CYP2E1: variants seen among roughly 807,000 people sequenced by gnomAD.
The protein encoded by CYP2E1 is cytochrome P450 2E1.
Under a neutral mutation model 42.9 loss-of-function variants are expected in CYP2E1, and 31 were observed. The observed-to-expected ratio is 0.72, with a 90% confidence interval of 0.54 to 0.98. CYP2E1 has a LOEUF of 0.98. Ranked by LOEUF, CYP2E1 falls within the 50% of genes least tolerant of loss-of-function variation. The pLI, the probability that CYP2E1 is intolerant of heterozygous loss-of-function variation, is 0.00. For missense variants in CYP2E1, 565 were observed against 633.2 expected, an observed-to-expected ratio of 0.89 and a Z score of 1.16; for synonymous variants, 244 against 248.9, an observed-to-expected ratio of 0.98 and a Z score of 0.19.
chr10:133,530,364 G>A (rs1200483464), intron 2 of CYP2E1, among the ~76,000 whole-genome samples: 1 of 152,056 alleles, frequency 6.6e-6, no homozygotes, highest in Non-Finnish European at 1.5e-5. Context: ...GTCATCTCGG[G>A]ATGTCCTCCA....
intron 2 of CYP2E1, among the ~76,000 whole-genome samples, chr10:133,529,023 C>G (rs1367322930): frequency 6.6e-6 from 1 of 152,222 alleles, no homozygotes; most frequent in Non-Finnish European, 1.5e-5. Context: ...TCCCCTCACC[C>G]ACGCTGAGGC....
At chr10:133,538,531 G>A (rs1400507564) in intron 8 of CYP2E1, among the ~76,000 whole-genome samples, 1 of 152,196 alleles carries the variant, frequency 6.6e-6, no homozygotes, top group Non-Finnish European at 1.5e-5. Flanking sequence ...CTTAACACCG[G>A]TTTTTGCAGT....
In CYP2E1 at chr10:133,538,729, C is replaced by G. The variant is rs369148043; in HGVS notation, c.1298-51C>G. ...CCCCTAGTCTCACTGTTAACAGTGT[C>G]GTGTCTCTGAAACTCCCTCAGTGTC... On this transcript the variant is annotated intron_variant, in intron 8 of 8. Coordinates refer to ENST00000252945, the MANE Select transcript of CYP2E1 (RefSeq NM_000773.4). 2.6e-6 allele frequency: 4 copies of G among 1,517,928 alleles called. No individual in the cohort carries two copies. The African/African-American group carries it at 5.5e-5, about 21-fold the overall frequency. 94.0% of individuals were successfully genotyped at this position (1,517,928 alleles called of 1,614,324 possible). A position where few individuals can be genotyped will look rare whatever the true frequency, so the allele number is the denominator to read the frequency against.
chr10:133,532,757 T>C lies in CYP2E1; in HGVS notation c.714T>C (p.Asn238=), dbSNP rs2133596576. ...LPGSHRKVIK[N]VAEVKEYVSE... is the part of the protein sequence containing the mutation. ...GAAGCCACAGAAAAGTCATAAAAAA[T>C]GTGGCTGAAGTAAAAGAGTATGTGT... is the stretch of plus-strand genomic sequence containing the variant. The change falls in exon 5 of 9, where the codon AAT becomes AAC. Residue 238 remains asparagine, a synonymous_variant. Transcript: ENST00000252945. 5.6e-6 allele frequency: 9 copies of C among 1,613,420 alleles called. No individual in the cohort carries two copies. The highest frequency in any genetic ancestry group is 6.8e-6 in the Non-Finnish European group (8 of 1,179,800).
intron 5 of CYP2E1, 86 bp from the exon 6 acceptor site, chr10:133,533,670 G>T (rs1380421603): frequency 1.4e-6 from 2 of 1,469,374 alleles, no homozygotes; most frequent in African/African-American, 2.8e-5. Flanking sequence ...TGTCTCCTGT[G>T]TCCCTGTGGA....
chr10:133,536,624 GATGGAT>G (rs1851404279), intron 6 of CYP2E1, among the ~76,000 whole-genome samples: 1 of 95,994 alleles, frequency 1.0e-5, no homozygotes, highest in Non-Finnish European at 2.1e-5. Flanking sequence ...TGGGTGGGTG[GATGGAT>G]GGGTGGATGG....
rs201120875 is a variant in CYP2E1 at position 133,533,838 on chromosome 10, C to A, written c.908C>A (p.Thr303Asn). The A allele has an allele frequency of 6.2e-7, 1 of 1,614,140 alleles. No individual in the cohort carries two copies. Among genetic ancestry groups the A allele is most frequent in the East Asian group, 2.2e-5 (1 of 44,878 alleles). Residue 303 changes from threonine to asparagine, a missense_variant, in exon 6 of 9, where the codon ACC becomes AAC. Physicochemically the swap from Thr to Asn is moderately conservative, Grantham distance 65 (BLOSUM62 0). Coordinates refer to ENST00000252945, the MANE Select transcript of CYP2E1 (RefSeq NM_000773.4). ...VADLFFAGTE[T>N]TSTTLRYGLL... ...GACCTGTTCTTTGCGGGGACAGAGA[C>A]CACCAGCACAACTCTGAGATATGGG...
rs370566113 is a variant in CYP2E1, at chr10:133,538,991, C to T, written c.*27C>T. The T allele has an allele frequency of 8.1e-5, 124 of 1,531,282 alleles. No individual in the cohort carries two copies. The highest frequency in any genetic ancestry group is 1.5e-4 in the African/African-American group (11 of 72,026). The allele number at this position is 1,531,282 out of a possible 1,614,324, so 94.9% of individuals were successfully genotyped here. On this transcript the variant is annotated 3_prime_UTR_variant, in exon 9 of 9. Transcript: ENST00000252945. ...TGTGTGGAGGACACCCTGAACCCCC[C>T]GCTTTCAAACAAGTTTTCAAATTGT... is the stretch of plus-strand genomic sequence containing the variant.
At chr10:133,537,305 C>T in intron 7 of CYP2E1, 55 bp downstream of exon 7, 2 of 1,567,128 alleles carry the variant, frequency 1.3e-6, no homozygotes, top group Non-Finnish European at 1.7e-6. Context: ...CAGCTAATCG[C>T]CTTCCTGCCA....
intron 2 of CYP2E1, among the ~76,000 whole-genome samples, chr10:133,530,156 A>G (rs1290895880): frequency 1.3e-5 from 2 of 152,194 alleles, no homozygotes; most frequent in Non-Finnish European, 2.9e-5. Flanking sequence ...GCGGAAAATT[A>G]GCAGAGCCCT....
chr10:133,527,684 G>T, intron 1 of CYP2E1, 112 bp downstream of exon 1: 1 of 808,974 alleles, frequency 1.2e-6, no homozygotes, highest in South Asian at 1.7e-5. Context: ...AGCCTGTTGT[G>T]AATTACCTGA....
At position 133,527,393 on chromosome 10, in the gene CYP2E1, A is replaced by G; in HGVS notation, c.-3A>G. On this transcript the variant is annotated 5_prime_UTR_variant, in exon 1 of 9. Transcript: ENST00000252945. ...GGGCTGGCAGCAGGGCCCCAGCGGCACCATGTCTGCCCTCGGAGTCACCGT... is the reference window on the plus strand; with the variant it reads ...GGGCTGGCAGCAGGGCCCCAGCGGCGCCATGTCTGCCCTCGGAGTCACCGT... 1.2e-6 allele frequency: 2 copies of G among 1,600,198 alleles called. No homozygotes were observed. The highest frequency in any genetic ancestry group is 1.9e-4 in the Middle Eastern group (1 of 5,268).
chr10:133,537,991 C>T, intron 8 of CYP2E1, 99 bp downstream of exon 8: 16 of 1,179,616 alleles, frequency 1.4e-5, no homozygotes, highest in Non-Finnish European at 1.9e-5. Context: ...CACCCACTGA[C>T]ACCCCAAACC....
At chr10:133,531,390 C>T (rs1851333708) in intron 2 of CYP2E1, among the ~76,000 whole-genome samples, 195 bp from the exon 3 acceptor site, 1 of 152,090 alleles carries the variant, frequency 6.6e-6, no homozygotes, top group Non-Finnish European at 1.5e-5. Context: ...AGAAAGGCTC[C>T]TCCCCAAAAC....
intron 2 of CYP2E1, among the ~76,000 whole-genome samples, chr10:133,531,144 G>T (rs1458243631): frequency 6.6e-6 from 1 of 152,176 alleles, no homozygotes; most frequent in African/African-American, 2.4e-5. Context: ...GTTGAGGTGT[G>T]TGTGGTGTGA....
In CYP2E1 at chr10:133,538,813, G is replaced by C. The variant is rs764917641; in HGVS notation, c.1331G>C (p.Arg444Pro). The change falls in exon 9 of 9, where the codon CGC becomes CCC. Residue 444 changes from arginine to proline, a missense_variant. Coordinates refer to ENST00000252945, the MANE Select transcript of CYP2E1 (RefSeq NM_000773.4). ...GTGTGTGCTGGAGAAGGCCTGGCTC[G>C]CATGGAGTTGTTTCTTTTGTTGTGT... ...KRVCAGEGLA[R>P]MELFLLLCAI... 1.2e-6 allele frequency: 2 copies of C among 1,613,930 alleles called. No individual in the cohort carries two copies. Among genetic ancestry groups the C allele is most frequent in the Admixed American group, 3.3e-5 (2 of 59,998 alleles).
At chr10:133,538,124 T>TG (rs1482797394) in intron 8 of CYP2E1, among the ~76,000 whole-genome samples, 3 of 152,050 alleles carry the variant, frequency 2.0e-5, no homozygotes, top group Non-Finnish European at 2.9e-5. Context: ...GTGGATTTTT[T>TG]TTTTCCCAAA....
rs569948279 is a variant in CYP2E1, at chr10:133,532,750, T to C, written c.707T>C (p.Ile236Thr). Residue 236 changes from isoleucine (I) to threonine (T), a missense_variant, in exon 5 of 9, where the codon ATA becomes ACA. By Grantham distance (89) the Ile-to-Thr change is moderately conservative. Coordinates refer to ENST00000252945, the MANE Select transcript of CYP2E1 (RefSeq NM_000773.4). The part of the protein sequence containing the change: ...HYLPGSHRKV[I>T]KNVAEVKEYV... ...TTGCCTGGAAGCCACAGAAAAGTCA[T>C]AAAAAATGTGGCTGAAGTAAAAGAG... 6.2e-7 allele frequency: 1 copy of C among 1,613,296 alleles called. No individual in the cohort carries two copies. The highest frequency in any genetic ancestry group is 2.2e-5 in the East Asian group (1 of 44,834).
intron 6 of CYP2E1, among the ~76,000 whole-genome samples, chr10:133,535,132 G>T (rs977066787): frequency 5.3e-5 from 8 of 151,986 alleles, no homozygotes; most frequent in African/African-American, 1.9e-4. Flanking sequence ...TCAGGAGTTC[G>T]AGACCTTCCT....
Sources: allele counts gnomAD v4.1 joint callset (sites outside exome capture counted in the v4.1 genomes callset), GRCh38; gene constraint gnomAD v4.1.1; transcripts MANE v1.5; gene names NCBI Gene and HGNC (gene_info 2026-07-23, HGNC 2026-07-21).